The following ADGRL2 variants were observed in gnomAD, a reference collection of about 807,000 sequenced individuals.
The protein encoded by ADGRL2 is calcium-independent alpha-latrotoxin receptor 2.
A neutral mutation model predicts 157.4 loss-of-function variants in ADGRL2; 44 were observed. That is an observed-to-expected ratio of 0.28 (90% CI 0.22 to 0.36). The LOEUF is 0.36. Among genes scored for constraint, ADGRL2 ranks in the 10% least tolerant of loss-of-function variants. The pLI is 1.00. For missense variants in ADGRL2, 1,510 were observed against 1,768.9 expected (o/e 0.85, Z 2.63); for synonymous variants, 585 against 624.7 (o/e 0.94, Z 0.95).
chr1:81,418,623 A>G (rs1273235999), intron 1 of ADGRL2, among the ~76,000 whole-genome samples: 2 of 151,990 alleles, frequency 1.3e-5, no homozygotes, highest in South Asian at 2.1e-4. Flanking sequence ...GCGTGGTGGC[A>G]GGCGCCTGCA....
At chr1:81,974,647 T>C (rs1482230257) in intron 17 of ADGRL2, among the ~76,000 whole-genome samples, 3 of 152,146 alleles carry the variant, frequency 2.0e-5, no homozygotes, top group Non-Finnish European at 2.9e-5. Flanking sequence ...TTCTGTCTTA[T>C]CATATCCATG....
At chr1:81,511,400 G>GCACACACACACA (rs149522214) in intron 2 of ADGRL2, among the ~76,000 whole-genome samples, 1 of 127,236 alleles carries the variant, frequency 7.9e-6, no homozygotes, top group African/African-American at 3.0e-5. Context: ...AAAAAAGCGC[G>GCACACACACACA]CACACACACA....
intron 2 of ADGRL2, among the ~76,000 whole-genome samples, chr1:81,896,966 G>A (rs115230338): frequency 0.012 from 1,809 of 152,242 alleles, 37 homozygotes; most frequent in African/African-American, 0.041. Context: ...AATGACACTT[G>A]TCCTGAAGGA....
At chr1:81,721,411 C>T (rs1220795456) in intron 1 of ADGRL2, among the ~76,000 whole-genome samples, 1 of 152,180 alleles carries the variant, frequency 6.6e-6, no homozygotes, top group East Asian at 1.9e-4. Flanking sequence ...AAACAACCGA[C>T]CCAAATTGAT....
chr1:81,448,730 T>C (rs11579390), intron 2 of ADGRL2, among the ~76,000 whole-genome samples: 25,260 of 152,012 alleles, frequency 0.17, 2,681 homozygotes, highest in East Asian at 0.59. Flanking sequence ...GAAAGGGTTA[T>C]TTTAAATTGG....
chr1:81,556,174 T>C (rs72935208), intron 2 of ADGRL2, among the ~76,000 whole-genome samples: 305 of 152,238 alleles, frequency 2.0e-3, no homozygotes, highest in African/African-American at 6.6e-3. Context: ...AAATATTGTA[T>C]TAGATTTTTC....
At chr1:81,650,077 A>G (rs1176000421) in intron 3 of ADGRL2, among the ~76,000 whole-genome samples, 2 of 151,410 alleles carry the variant, frequency 1.3e-5, no homozygotes, top group Admixed American at 6.6e-5. Flanking sequence ...AAAAAATCAC[A>G]TCCCTGAAGG....
chr1:81,376,899 C>T (rs1018419466), intron 1 of ADGRL2, among the ~76,000 whole-genome samples: 2 of 152,294 alleles, frequency 1.3e-5, no homozygotes, highest in Non-Finnish European at 1.5e-5. Flanking sequence ...TTATCCAAAA[C>T]AACCAGGCTT....
chr1:81,803,694 G>C (rs2088667300), intron 1 of ADGRL2, among the ~76,000 whole-genome samples: 1 of 152,104 alleles, frequency 6.6e-6, no homozygotes, highest in Non-Finnish European at 1.5e-5. Flanking sequence ...CGTCTGAGCT[G>C]CAGCTACCAA....
intron 2 of ADGRL2, among the ~76,000 whole-genome samples, chr1:81,857,870 A>C (rs1571716993): frequency 6.6e-6 from 1 of 152,234 alleles, no homozygotes; most frequent in African/African-American, 2.4e-5. Context: ...ATCATCTTGG[A>C]ATTTTTATCT....
At chr1:81,381,148 CTTCTT>C (rs1451414731) in intron 1 of ADGRL2, among the ~76,000 whole-genome samples, 4 of 151,872 alleles carry the variant, frequency 2.6e-5, no homozygotes, top group Non-Finnish European at 5.9e-5. Context: ...TTTGGAATCT[CTTCTT>C]TTAATTGTAT....
At position 81,990,985 on chromosome 1, in the gene ADGRL2, A is replaced by G. The variant is rs1664502966; in HGVS notation, c.4250A>G (p.Tyr1417Cys). The change falls in exon 24 of 24, where the codon TAT (tyrosine) becomes TGT (cysteine). Residue 1417 changes from tyrosine (Y) to cysteine (C), a missense_variant. Tyr to Cys is a radical substitution (Grantham distance 194). Around this residue, in one of 4 missense-constraint regions of ADGRL2, gnomAD observed 327 missense variants for 310.1 expected, o/e 1.05. Coordinates refer to ENST00000686636, the MANE Select transcript of ADGRL2 (RefSeq NM_001366006.2). ...AGGAGTGAGAATGAGGACATTTACT[A>G]TAAAAGCATGCCAAATCTTGGAGCT... ...SRRSENEDIY[Y>C]KSMPNLGAGH... The G allele has an allele frequency of 2.5e-6, 4 of 1,614,126 alleles. No homozygotes were observed. The highest frequency in any genetic ancestry group is 1.1e-5 in the South Asian group (1 of 91,084).
intron 2 of ADGRL2, among the ~76,000 whole-genome samples, chr1:81,499,022 CA>C (rs1308719164): frequency 6.6e-6 from 1 of 152,168 alleles, no homozygotes; most frequent in Non-Finnish European, 1.5e-5. Context: ...TGCTCACCTG[CA>C]GTGGTTTCTG....
intron 1 of ADGRL2, among the ~76,000 whole-genome samples, chr1:81,726,158 A>C (rs1291565456): frequency 6.6e-6 from 1 of 152,090 alleles, no homozygotes. Context: ...TCCCTTGGGG[A>C]AACTGCAGCA....
chr1:81,637,887 A>C (rs150783824), intron 3 of ADGRL2, among the ~76,000 whole-genome samples: 40 of 152,226 alleles, frequency 2.6e-4, no homozygotes, highest in Non-Finnish European at 4.9e-4. Context: ...TTGTGGGCCT[A>C]AGAAAGCATA....
At chr1:81,655,190 C>CG (rs2148856866) in intron 3 of ADGRL2, among the ~76,000 whole-genome samples, 1 of 152,264 alleles carries the variant, frequency 6.6e-6, no homozygotes, top group East Asian at 1.9e-4. Context: ...TTAGTAGAGA[C>CG]GGGTTTTCAC....
chr1:81,764,424 G>A (rs2086036160), intron 2 of ADGRL2, among the ~76,000 whole-genome samples: 1 of 151,948 alleles, frequency 6.6e-6, no homozygotes, highest in East Asian at 1.9e-4. Flanking sequence ...TAGCTCTCTA[G>A]AACTAAGCCA....
chr1:81,611,586 A>G (rs1228498009), intron 3 of ADGRL2, among the ~76,000 whole-genome samples: 1 of 152,218 alleles, frequency 6.6e-6, no homozygotes, highest in East Asian at 1.9e-4. Context: ...TTTAACAAAA[A>G]TATCTTCTCC....
At chr1:81,637,097 G>C (rs901156432) in intron 3 of ADGRL2, among the ~76,000 whole-genome samples, 19 of 152,140 alleles carry the variant, frequency 1.2e-4, no homozygotes, top group African/African-American at 4.3e-4. Context: ...ACCCGCCTCA[G>C]CCTCCCAAAG....
Sources: allele counts gnomAD v4.1 joint callset (sites outside exome capture counted in the v4.1 genomes callset), GRCh38; gene constraint gnomAD v4.1.1; regional missense constraint gnomAD v4.1.1; transcripts MANE v1.5; gene names NCBI Gene and HGNC (gene_info 2026-07-23, HGNC 2026-07-21).